Variants in MINDY1 observed in about 807,000 individuals in gnomAD.
MINDY1 encodes the protein ubiquitin carboxyl-terminal hydrolase MINDY-1.
MINDY1 carries 50 observed loss-of-function variants against 53.6 expected under a neutral mutation model. The observed-to-expected ratio is 0.93, with a 90% CI of 0.74 to 1.18. MINDY1 has a LOEUF of 1.18. Among genes scored for constraint, MINDY1 ranks in the 50% most tolerant of loss-of-function variants. The probability of loss-of-function intolerance (pLI) is 0.00; values close to 1 mark genes in which losing one functional copy is unlikely to be tolerated. For synonymous variants in MINDY1, 231 were observed against 234.7 expected (o/e 0.98, Z 0.14); for missense variants, 484 against 578.6 (o/e 0.84, Z 1.68).
rs1349220145 is a variant in MINDY1, at chr1:150,997,184, T to C, written c.*103A>G. 1 of 1,223,276 alleles carries C rather than the reference T, an allele frequency of 8.2e-7. No homozygotes were observed. The highest frequency in any genetic ancestry group is 1.2e-6 in the Non-Finnish European group (1 of 859,398). The allele number at this position is 1,223,276 out of a possible 1,614,324, so 75.8% of individuals were successfully genotyped here. A position where few individuals can be genotyped will look rare whatever the true frequency, so the allele number is the denominator to read the frequency against. ...GCCTGCTCTCATCCCCAACAGTCCA[T>C]AAATAAGTTATCCAGCACATCTCAG... On this transcript the variant is annotated 3_prime_UTR_variant, in exon 10 of 10. Coordinates refer to ENST00000683666, the MANE Select transcript of MINDY1 (RefSeq NM_001376665.1).
intron 2 of MINDY1, 93 bp from the exon 3 acceptor site, chr1:151,001,875 G>A: frequency 7.3e-7 from 1 of 1,377,598 alleles, no homozygotes; most frequent in South Asian, 1.4e-5. Context: ...TCCAGTAGTA[G>A]GGTGGGGTAG....
chr1:151,007,280 C>T (rs1171129229), upstream of MINDY1, among the ~76,000 whole-genome samples: 1 of 152,090 alleles, frequency 6.6e-6, no homozygotes, highest in South Asian at 2.1e-4. Flanking sequence ...CCAAGGCGGG[C>T]GGATCACAAG....
Position 151,000,501 on chromosome 1 carries a change from G to A in MINDY1, c.691C>T (p.Leu231=). The A allele has an allele frequency of 6.2e-7, 1 of 1,613,830 alleles. No individual in the cohort carries two copies. Among genetic ancestry groups the A allele is most frequent in the African/African-American group, 1.3e-5 (1 of 75,010 alleles). Residue 231 remains leucine (L), a synonymous_variant, in exon 5 of 10, where the codon CTG becomes TTG. Coordinates refer to ENST00000683666, the MANE Select transcript of MINDY1 (RefSeq NM_001376665.1). ...CCATGGTACAGAGGTATGCCTAGCA[G>A]GTCAAAGACACTGCACTCGGGTGTA... ...EYTPECSVFD[L]LGIPLYHGWL...
At chr1:151,001,150 C>T in intron 4 of MINDY1, 100 bp downstream of exon 4, 1 of 1,245,350 alleles carries the variant, frequency 8.0e-7, no homozygotes, top group South Asian at 1.3e-5. Flanking sequence ...AATCATGGTT[C>T]AAGGAAACCT....
At position 150,999,230 on chromosome 1, in the gene MINDY1, C is replaced by T. The variant is rs1417023909; in HGVS notation, c.981+139G>A. The stretch of plus-strand genomic sequence containing the variant: ...ACACGCACCAGGAGCGGGAAATGAA[C>T]CTTTGTTGTGGTAAACCACAGGGAT... On this transcript the variant is annotated intron_variant, in intron 7 of 9. Transcript: ENST00000683666. The surrounding 1 kb of genome is among the most constrained non-coding windows in gnomAD (Gnocchi z 4.4). 1 of 1,259,204 alleles carries T rather than the reference C, an allele frequency of 7.9e-7. No homozygotes were observed. Among genetic ancestry groups the T allele is most frequent in the Admixed American group, 2.0e-5 (1 of 49,452 alleles). The allele number at this position is 1,259,204 out of a possible 1,614,324, so 78.0% of individuals were successfully genotyped here. A position where few individuals can be genotyped will look rare whatever the true frequency, so the allele number is the denominator to read the frequency against.
chr1:151,003,868 G>A (rs1317700354), intron 1 of MINDY1, among the ~76,000 whole-genome samples: 2 of 152,074 alleles, frequency 1.3e-5, no homozygotes, highest in African/African-American at 4.8e-5. Flanking sequence ...AATACTTCCT[G>A]TACATTCACC....
intron 7 of MINDY1, among the ~76,000 whole-genome samples, chr1:150,998,663 A>G (rs1672163318): frequency 6.6e-6 from 1 of 152,162 alleles, no homozygotes; most frequent in Non-Finnish European, 1.5e-5. Flanking sequence ...GACCCTGAGC[A>G]TGCGGACCTT....
At chr1:151,006,286 G>A (rs906020391) in intron 1 of MINDY1, 26 bp downstream of exon 1, 1 of 1,431,866 alleles carries the variant, frequency 7.0e-7, no homozygotes, top group South Asian at 1.5e-5. Context: ...AAGAGGTGAA[G>A]AAGATGATTA....
intron 9 of MINDY1, 88 bp from the exon 10 acceptor site, chr1:150,997,455 G>C (rs994991817): frequency 1.3e-6 from 2 of 1,537,818 alleles, no homozygotes; most frequent in Non-Finnish European, 1.8e-6. Flanking sequence ...GATTGGGACA[G>C]AGAGTAGGGA....
At position 151,004,870 on chromosome 1, in the gene MINDY1, T is replaced by C. The variant is rs139294626; in HGVS notation, c.-90+1442A>G. On this transcript the variant is annotated intron_variant, in intron 1 of 9. Coordinates refer to ENST00000683666, the MANE Select transcript of MINDY1 (RefSeq NM_001376665.1). ...TTCCTTCTTGTAAACCTACAGGAAT[T>C]TGGGGCTAGGGGAAGGCCTGGGAGA... is the stretch of plus-strand genomic sequence containing the variant. Among the ~76,000 whole-genome samples the C allele has an allele frequency of 3.4e-3, 524 of 152,292 alleles. 1 individual carries two copies. The highest frequency in any genetic ancestry group is 6.8e-3 in the Middle Eastern group (2 of 294).
At chr1:151,003,477 C>T (rs587652056) in intron 1 of MINDY1, among the ~76,000 whole-genome samples, 2 of 152,176 alleles carry the variant, frequency 1.3e-5, no homozygotes, top group South Asian at 4.2e-4. Flanking sequence ...GAATCAGAGA[C>T]TGGTTTTGAT....
Position 150,999,618 on chromosome 1 carries a change from C to A in MINDY1, c.839-107G>T. On this transcript the variant is annotated intron_variant, in intron 6 of 9. Coordinates refer to ENST00000683666, the MANE Select transcript of MINDY1 (RefSeq NM_001376665.1). The surrounding 1 kb of genome is among the most constrained non-coding windows in gnomAD (Gnocchi z 4.4). ...CAAAAGCCCCGGGGGGTCAGTCCCA[C>A]CTTCTGACGTCCCTTTCTTGAAACC... 7.1e-7 allele frequency: 1 copy of A among 1,412,260 alleles called. No homozygotes were observed. The highest frequency in any genetic ancestry group is 9.7e-7 in the Non-Finnish European group (1 of 1,034,818). The allele number at this position is 1,412,260 out of a possible 1,614,324, so 87.5% of individuals were successfully genotyped here.
Position 151,006,744 on chromosome 1 carries a change from G to A in MINDY1, c.-522C>T. 1.0e-6 allele frequency: 1 copy of A among 985,576 alleles called. No homozygotes were observed. Among genetic ancestry groups the A allele is most frequent in the Non-Finnish European group, 1.2e-6 (1 of 830,054 alleles). The allele number at this position is 985,576 out of a possible 1,614,324, so 61.1% of individuals were successfully genotyped here. On this transcript the variant is annotated 5_prime_UTR_variant, in exon 1 of 10. Transcript: ENST00000683666. ...AAGGACAAGCTCCCTGGAGGAGGAG[G>A]GGCCTGCCCAGCGCTGGTGGATTTC...
chr1:150,998,591 C>CAG (rs1672147265), intron 7 of MINDY1, among the ~76,000 whole-genome samples: 1 of 152,218 alleles, frequency 6.6e-6, no homozygotes, highest in Non-Finnish European at 1.5e-5. Flanking sequence ...CTCCTGACCT[C>CAG]ATGATCTGCC....
In MINDY1 at chr1:150,999,897, C is replaced by A. The variant is rs762530804; in HGVS notation, c.803G>T (p.Cys268Phe). The change falls in exon 6 of 10, where the codon TGC (cysteine) becomes TTC (phenylalanine). Residue 268 changes from cysteine to phenylalanine, a missense_variant. Physicochemically the swap from Cys to Phe is radical, Grantham distance 205. Coordinates refer to ENST00000683666, the MANE Select transcript of MINDY1 (RefSeq NM_001376665.1). This position sits in a 1 kb window ranked among gnomAD's most constrained non-coding sequence, Gnocchi z 4.4. ...GAGGTTGGTGTCACTGGAGTGTTTG[C>A]AGGTGATGATCCTCTCCACCAGCTG... ...YNQLVERIITCKHSSDTNLVT... is the reference protein window; with the variant it reads ...YNQLVERIITFKHSSDTNLVT... 46 of 1,613,898 alleles carry A rather than the reference C, an allele frequency of 2.9e-5. No homozygotes were observed. The highest frequency in any genetic ancestry group is 1.0e-4 in the Admixed American group (6 of 59,984).
At chr1:150,998,002 T>TTTAG (rs2102822336) in intron 8 of MINDY1, 80 bp downstream of exon 8, 1 of 1,447,138 alleles carries the variant, frequency 6.9e-7, no homozygotes, top group African/African-American at 1.4e-5. Flanking sequence ...TCACATGGCC[T>TTTAG]CTAGCAGTTA....
At chr1:151,000,057 A>C in intron 5 of MINDY1, 93 bp from the exon 6 acceptor site, 1 of 894,800 alleles carries the variant, frequency 1.1e-6, no homozygotes, top group Non-Finnish European at 1.7e-6. Context: ...AAGGACTACA[A>C]CCCTGTGATG....
At chr1:151,003,018 A>C (rs371321771) in intron 1 of MINDY1, 1 of 1,093,052 alleles carries the variant, frequency 9.1e-7, no homozygotes, top group Admixed American at 4.5e-5. Flanking sequence ...AGAAAGGGAG[A>C]GCACAAAGGA....
upstream of MINDY1, chr1:151,008,364 C>G (rs1234160536): frequency 3.8e-6 from 5 of 1,300,852 alleles, no homozygotes; most frequent in African/African-American, 7.5e-5. Context: ...GCCCCCTTGG[C>G]CTCGCCGGAA....
Sources: allele counts gnomAD v4.1 joint callset (sites outside exome capture counted in the v4.1 genomes callset), GRCh38; gene constraint gnomAD v4.1.1; non-coding constraint Gnocchi (gnomAD v3.1); transcripts MANE v1.5; gene names NCBI Gene and HGNC (gene_info 2026-07-23, HGNC 2026-07-21).